The following IL1RL2 variants were observed in gnomAD, a reference collection of about 807,000 sequenced individuals.
IL1RL2 encodes interleukin 1 receptor like 2.
A neutral mutation model predicts 66.8 loss-of-function variants in IL1RL2; 68 were observed. That is an observed-to-expected ratio of 1.02 (90% CI 0.84 to 1.25). IL1RL2 has a LOEUF of 1.25. Among genes scored for constraint, IL1RL2 ranks in the 50% most tolerant of loss-of-function variants. The pLI, the probability that IL1RL2 is intolerant of heterozygous loss-of-function variation, is 0.00. For synonymous variants in IL1RL2, 305 were observed against 264.6 expected, an observed-to-expected ratio of 1.15 and a Z score of -1.48; for missense variants, 729 against 709.3, an observed-to-expected ratio of 1.03 and a Z score of -0.32.
chr2:102,233,620 C>T (rs35787741), intron 10 of IL1RL2, among the ~76,000 whole-genome samples: 5,254 of 152,188 alleles, frequency 0.035, 209 homozygotes, highest in African/African-American at 0.1. Flanking sequence ...ACTTTTCCCA[C>T]TTGATAGGAA....
chr2:102,240,361 C>CTTTTTT (rs551743835), downstream of IL1RL2, among the ~76,000 whole-genome samples: 8 of 79,794 alleles, frequency 1.0e-4, no homozygotes, highest in African/African-American at 1.9e-4. Flanking sequence ...TCTTCTCCTC[C>CTTTTTT]TTTTTTTTTT....
intron 11 of IL1RL2, among the ~76,000 whole-genome samples, chr2:102,238,165 C>A (rs150909163): frequency 4.4e-4 from 67 of 152,202 alleles, no homozygotes; most frequent in Non-Finnish European, 9.1e-4. Context: ...GGTAGGGCTG[C>A]GAGCGGAGAT....
chr2:102,225,308 C>T (rs942704441), intron 8 of IL1RL2, among the ~76,000 whole-genome samples: 3 of 152,238 alleles, frequency 2.0e-5, no homozygotes, highest in Non-Finnish European at 1.5e-5. Context: ...CACAGGCACC[C>T]AGCCTGGAAA....
Position 102,235,013 on chromosome 2 carries a change from G to A in IL1RL2, c.1414G>A (p.Val472Ile), listed in dbSNP as rs1232493542. Residue 472 changes from valine (V) to isoleucine (I), a missense_variant, in exon 11 of 12, where the codon GTC becomes ATC. Transcript: ENST00000264257. ...GAACCTGTCAGAAGAACAAATCGCG[G>A]TCTACAGTGCCCTGATCCAGGACGG... ...LKNLSEEQIA[V>I]YSALIQDGMK... The A allele has an allele frequency of 1.9e-6, 3 of 1,614,060 alleles. No homozygotes were observed. Among genetic ancestry groups the A allele is most frequent in the African/African-American group, 2.7e-5 (2 of 74,920 alleles).
At chr2:102,231,937 C>T (rs1046798773) in intron 9 of IL1RL2, among the ~76,000 whole-genome samples, 1 of 152,160 alleles carries the variant, frequency 6.6e-6, no homozygotes, top group Non-Finnish European at 1.5e-5. Flanking sequence ...GCAGTTAGGA[C>T]AGTGCTTCGT....
chr2:102,218,922 A>T lies in IL1RL2; in HGVS notation c.725-31A>T, dbSNP rs189356339. The T allele has an allele frequency of 4.8e-5, 76 of 1,590,006 alleles. No homozygotes were observed. The African/African-American group carries it at 8.6e-4, about 18-fold the overall frequency. On this transcript the variant is annotated intron_variant, in intron 6 of 11. Transcript: ENST00000264257. ...AAATTTGAAAGTTTGTAGAATTTTC[A>T]TTGAATATTGATGATATTGGTTTTT...
Position 102,220,000 on chromosome 2 carries a change from T to C in IL1RL2, c.974T>C (p.Ile325Thr). The change falls in exon 8 of 12, where the codon ATT (isoleucine) becomes ACT (threonine). Residue 325 changes from isoleucine to threonine, a missense_variant. By Grantham distance (89) the Ile-to-Thr change is moderately conservative (BLOSUM62 -1). Coordinates refer to ENST00000264257, the MANE Select transcript of IL1RL2 (RefSeq NM_003854.4). ...MCHAGVSTAYIILQLPAPDFR... is the reference protein window; with the variant it reads ...MCHAGVSTAYTILQLPAPDFR... ...CACGCTGGAGTGTCCACAGCATACATTATATTACAGCTCCCAGGTAATACT... is the reference window on the plus strand; with the variant it reads ...CACGCTGGAGTGTCCACAGCATACACTATATTACAGCTCCCAGGTAATACT... 6.2e-7 allele frequency: 1 copy of C among 1,612,420 alleles called. No individual in the cohort carries two copies. The highest frequency in any genetic ancestry group is 1.3e-5 in the African/African-American group (1 of 75,032).
chr2:102,209,144 T>A (rs1282267570), intron 5 of IL1RL2, among the ~76,000 whole-genome samples: 1 of 152,260 alleles, frequency 6.6e-6, no homozygotes, highest in African/African-American at 2.4e-5. Flanking sequence ...AGTCACTACT[T>A]CATGTTCAAT....
chr2:102,241,100 C>T (rs1418673843), downstream of IL1RL2, among the ~76,000 whole-genome samples: 1 of 152,236 alleles, frequency 6.6e-6, no homozygotes, highest in Non-Finnish European at 1.5e-5. Context: ...TGGAGACTTA[C>T]AGGTGGGCGG....
At chr2:102,201,488 C>T (rs1467258846) in intron 4 of IL1RL2, 68 bp from the exon 5 acceptor site, 35 of 1,458,536 alleles carry the variant, frequency 2.4e-5, no homozygotes, top group South Asian at 3.5e-5. Context: ...TGTAAATTAC[C>T]TAAATACTAG....
intron 4 of IL1RL2, among the ~76,000 whole-genome samples, chr2:102,195,645 CTCTTTCTT>C (rs1219065291): frequency 0.033 from 675 of 20,192 alleles, 33 homozygotes; most frequent in African/African-American, 0.06. Flanking sequence ...CTCTCTCTCT[CTCTTTCTT>C]TCTTTCTTTC....
At chr2:102,201,801 C>T in intron 5 of IL1RL2, 86 bp downstream of exon 5, 1 of 1,311,504 alleles carries the variant, frequency 7.6e-7, no homozygotes. Flanking sequence ...GGGCTTTGAG[C>T]AGGAGTGATT....
intron 10 of IL1RL2, among the ~76,000 whole-genome samples, chr2:102,233,574 C>G (rs1674542666): frequency 6.6e-6 from 1 of 152,106 alleles, no homozygotes; most frequent in African/African-American, 2.4e-5. Flanking sequence ...CCTACTTGCC[C>G]CCTCCCCTCC....
intron 5 of IL1RL2, among the ~76,000 whole-genome samples, chr2:102,209,319 G>T (rs1043987761): frequency 4.6e-5 from 7 of 152,220 alleles, no homozygotes; most frequent in African/African-American, 1.2e-4. Context: ...TAGAGCCACA[G>T]ACAGTGTTTG....
intron 3 of IL1RL2, 130 bp downstream of exon 3, chr2:102,189,440 A>T (rs1687032213): frequency 3.1e-6 from 2 of 637,944 alleles, no homozygotes; most frequent in South Asian, 4.3e-5. Flanking sequence ...TTGCTACAAG[A>T]CAATTTCCAG....
intron 9 of IL1RL2, among the ~76,000 whole-genome samples, chr2:102,229,947 A>C (rs1027667610): frequency 2.0e-5 from 3 of 152,246 alleles, no homozygotes; most frequent in East Asian, 1.9e-4. Context: ...CACTTAGCAC[A>C]CAAGGTTTGT....
intron 3 of IL1RL2, 71 bp downstream of exon 3, chr2:102,189,381 G>A (rs754262995): frequency 3.2e-6 from 3 of 929,090 alleles, no homozygotes; most frequent in South Asian, 3.5e-5. Context: ...AATTCTTAAC[G>A]AACATAGAAA....
chr2:102,235,314 T>C lies in IL1RL2; in HGVS notation c.1678+37T>C, dbSNP rs1674784822. On this transcript the variant is annotated intron_variant, in intron 11 of 11. Transcript: ENST00000264257. ...GGAGGACACGAGGTTTGTCACGCAC[T>C]GATGGAGGGTCTATCATTGCGTGGT... 1.9e-6 allele frequency: 3 copies of C among 1,591,428 alleles called. No individual in the cohort carries two copies. In the African/African-American group the frequency reaches 4.0e-5, roughly 21 times the overall value.
chr2:102,231,454 C>T (rs1332744693), intron 9 of IL1RL2, among the ~76,000 whole-genome samples: 7 of 151,942 alleles, frequency 4.6e-5, no homozygotes, highest in Admixed American at 3.3e-4. Context: ...GCCAAGATGG[C>T]GCCACTGCAC....
Sources: allele counts gnomAD v4.1 joint callset (sites outside exome capture counted in the v4.1 genomes callset), GRCh38; gene constraint gnomAD v4.1.1; transcripts MANE v1.5; gene names NCBI Gene and HGNC (gene_info 2026-07-23, HGNC 2026-07-21).